MYOM1: variants seen among roughly 807,000 people sequenced by gnomAD.
The protein encoded by MYOM1 is myomesin 1.
Under a neutral mutation model 205.3 loss-of-function variants are expected in MYOM1, and 164 were observed. The ratio of observed to expected loss-of-function variants is 0.80; its 90% CI spans 0.70 to 0.91. MYOM1 has a LOEUF of 0.91. Ranked by LOEUF, MYOM1 falls within the 40% of genes least tolerant of loss-of-function variation. MYOM1 has a pLI of 0.00. For synonymous variants in MYOM1, 772 were observed against 789.4 expected (o/e 0.98, Z 0.37); for missense variants, 2,011 against 2,127.3 (o/e 0.95, Z 1.08).
chr18:3,186,798 G>C (rs1567956791), intron 5 of MYOM1, among the ~76,000 whole-genome samples: 2 of 97,188 alleles, frequency 2.1e-5, no homozygotes, highest in Non-Finnish European at 4.3e-5. Context: ...GAGAAAGAAA[G>C]AAAGAGAAAG....
chr18:3,080,244 T>C (rs1358306934), intron 33 of MYOM1, among the ~76,000 whole-genome samples: 2 of 152,174 alleles, frequency 1.3e-5, no homozygotes, highest in Non-Finnish European at 2.9e-5. Context: ...AAAATGTTCA[T>C]ATTATGGCTG....
intron 8 of MYOM1, among the ~76,000 whole-genome samples, chr18:3,172,797 C>G (rs2080580628): frequency 6.6e-6 from 1 of 152,220 alleles, no homozygotes. Context: ...AGGCGTGAGC[C>G]ACCGTGCCTG....
chr18:3,095,138 G>T (rs930357223), intron 25 of MYOM1, among the ~76,000 whole-genome samples: 1 of 152,170 alleles, frequency 6.6e-6, no homozygotes, highest in African/African-American at 2.4e-5. Context: ...GGACTGAGAG[G>T]GGGCTCAGAT....
At chr18:3,200,042 C>T (rs1328665652) in intron 2 of MYOM1, among the ~76,000 whole-genome samples, 1 of 152,070 alleles carries the variant, frequency 6.6e-6, no homozygotes, top group Admixed American at 6.5e-5. Context: ...CAAAGCTGAG[C>T]AGAGACACCT....
intron 22 of MYOM1, among the ~76,000 whole-genome samples, chr18:3,109,203 G>A (rs1449288641): frequency 1.3e-5 from 2 of 151,226 alleles, no homozygotes; most frequent in African/African-American, 4.9e-5. Context: ...GGCTAGTCTC[G>A]AACCCCTGAC....
intron 5 of MYOM1, 52 bp from the exon 6 acceptor site, chr18:3,176,186 T>C (rs2080638028): frequency 6.7e-6 from 7 of 1,039,548 alleles, no homozygotes; most frequent in South Asian, 4.0e-5. Context: ...AACAACTTCA[T>C]GATTAAACAC....
chr18:3,151,653 A>G, intron 12 of MYOM1, 41 bp downstream of exon 12: 2 of 1,535,470 alleles, frequency 1.3e-6, no homozygotes, highest in Non-Finnish European at 1.8e-6. Flanking sequence ...AGTCATTTTA[A>G]AAAGGTTTAG....
At chr18:3,181,117 G>A (rs2080723848) in intron 5 of MYOM1, among the ~76,000 whole-genome samples, 1 of 152,078 alleles carries the variant, frequency 6.6e-6, no homozygotes, top group African/African-American at 2.4e-5. Context: ...AGTAGACATG[G>A]GCTTTCACCA....
chr18:3,229,253 A>G, the MYOM1 span, among the ~76,000 whole-genome samples: 1 of 152,156 alleles, frequency 6.6e-6, no homozygotes, highest in Non-Finnish European at 1.5e-5. Context: ...CATTAGTATC[A>G]CCTGAGGAGC....
At chr18:3,113,421 T>C (rs1292568694) in intron 21 of MYOM1, among the ~76,000 whole-genome samples, 2 of 151,990 alleles carry the variant, frequency 1.3e-5, no homozygotes, top group East Asian at 3.9e-4. Context: ...CTGGACCTCC[T>C]GGGATCAAGC....
rs1400202636 is a variant in MYOM1 at position 3,132,386 on chromosome 18, G to A, written c.2385-890C>T. ...CAGGCTGGTCTTGAACTCCGACCTC[G>A]TGATCCACCCACCTCGGCCTCCCAA... On this transcript the variant is annotated intron_variant, in intron 16 of 37. Coordinates refer to ENST00000356443, the MANE Select transcript of MYOM1 (RefSeq NM_003803.4). Among the ~76,000 whole-genome samples the A allele has an allele frequency of 5.9e-5, 9 of 151,866 alleles. No homozygotes were observed. The South Asian group carries it at 1.0e-3, about 17-fold the overall frequency.
At chr18:3,224,117 C>G (rs2081342650), upstream of MYOM1, among the ~76,000 whole-genome samples, 1 of 151,858 alleles carries the variant, frequency 6.6e-6, no homozygotes, top group African/African-American at 2.4e-5. Context: ...CAACCTCCAC[C>G]TCCCAGGTTC....
At chr18:3,137,150 C>T (rs867869873) in intron 14 of MYOM1, among the ~76,000 whole-genome samples, 25 of 151,956 alleles carry the variant, frequency 1.6e-4, no homozygotes, top group Admixed American at 7.2e-4. Context: ...GGGGTTTCAC[C>T]GTGTTAGCCA....
upstream of MYOM1, among the ~76,000 whole-genome samples, chr18:3,221,598 C>T (rs911411694): frequency 1.3e-5 from 2 of 152,240 alleles, no homozygotes; most frequent in Non-Finnish European, 2.9e-5. Flanking sequence ...GATTCCAAAG[C>T]CCGTGTACTT....
At chr18:3,173,878 A>G in intron 8 of MYOM1, 60 bp downstream of exon 8, 1 of 1,478,476 alleles carries the variant, frequency 6.8e-7, no homozygotes, top group South Asian at 1.1e-5. Flanking sequence ...ATTATGGGCT[A>G]ACTTATTATG....
chr18:3,193,117 T>A (rs191359439), intron 3 of MYOM1, among the ~76,000 whole-genome samples: 44 of 151,568 alleles, frequency 2.9e-4, no homozygotes, highest in African/African-American at 8.2e-4. Context: ...CATAATTTTT[T>A]AAAAAAATTA....
At chr18:3,200,506 G>A (rs996907321) in intron 2 of MYOM1, among the ~76,000 whole-genome samples, 1 of 152,066 alleles carries the variant, frequency 6.6e-6, no homozygotes, top group African/African-American at 2.4e-5. Flanking sequence ...TTACAACAGT[G>A]ACTCAACAAA....
the MYOM1 span, among the ~76,000 whole-genome samples, chr18:3,226,602 C>T: frequency 2.4e-4 from 37 of 152,140 alleles, no homozygotes; most frequent in Admixed American, 3.3e-4. This position sits in a 1 kb window ranked among gnomAD's most constrained non-coding sequence, Gnocchi z 4.6. Flanking sequence ...TTCAACACCC[C>T]GTGCCATCTC....
At chr18:3,161,743 G>A (rs146105528) in intron 10 of MYOM1, among the ~76,000 whole-genome samples, 1 of 152,322 alleles carries the variant, frequency 6.6e-6, no homozygotes, top group East Asian at 1.9e-4. Flanking sequence ...GTTAGCCACT[G>A]GAAGACCTAT....
Sources: allele counts gnomAD v4.1 joint callset (sites outside exome capture counted in the v4.1 genomes callset), GRCh38; gene constraint gnomAD v4.1.1; non-coding constraint Gnocchi (gnomAD v3.1); transcripts MANE v1.5; gene names NCBI Gene and HGNC (gene_info 2026-07-23, HGNC 2026-07-21).